The following RASEF variants were observed in gnomAD, a reference collection of about 807,000 sequenced individuals.
RASEF encodes ras and EF-hand domain-containing protein.
Under a neutral mutation model 90.1 loss-of-function variants are expected in RASEF, and 68 were observed. That is an observed-to-expected ratio of 0.75 (90% CI 0.62 to 0.92). The LOEUF (loss-of-function observed/expected upper bound fraction) is 0.92. Ranked by LOEUF, RASEF falls within the 40% of genes least tolerant of loss-of-function variation. RASEF has a pLI of 0.00. For missense variants in RASEF, 949 were observed against 937.2 expected (o/e 1.01, Z -0.16); for synonymous variants, 331 against 345.2 (o/e 0.96, Z 0.46).
rs887197859 is a variant in RASEF, at chr9:82,998,433, T to A, written c.1737A>T (p.Gln579His). 19 of 1,608,318 alleles carry A rather than the reference T, an allele frequency of 1.2e-5. No individual in the cohort carries two copies. Among genetic ancestry groups the A allele is most frequent in the Non-Finnish European group, 1.6e-5 (19 of 1,174,778 alleles). The change falls in exon 13 of 17, where the codon CAA (glutamine) becomes CAT (histidine). Residue 579 changes from glutamine (Q) to histidine (H), a missense_variant. This residue lies in a region of RASEF where 288 missense variants were observed against 328.4 expected (regional missense o/e 0.88). Transcript: ENST00000376447. Reference sequence around the variant, plus strand: ...CTCCATCCACAATGAGGGTTTTCATTTGGAAATCAACTCCTGAAAAGGAAT... The same window carrying A: ...CTCCATCCACAATGAGGGTTTTCATATGGAAATCAACTCCTGAAAAGGAAT... ...NISATLGVDF[Q>H]MKTLIVDGER...
intron 14 of RASEF, among the ~76,000 whole-genome samples, chr9:82,995,062 T>C (rs1384845429): frequency 6.6e-6 from 1 of 152,200 alleles, no homozygotes; most frequent in Non-Finnish European, 1.5e-5. Context: ...GTATGTAATT[T>C]TTCATCCATA....
chr9:83,187,896 C>T, the RASEF span, among the ~76,000 whole-genome samples: 1 of 152,190 alleles, frequency 6.6e-6, no homozygotes. Flanking sequence ...CTCTACAATC[C>T]ACCAGCCGTG....
At chr9:83,012,078 A>G (rs565561478) in intron 5 of RASEF, among the ~76,000 whole-genome samples, 2 of 152,018 alleles carry the variant, frequency 1.3e-5, no homozygotes, top group South Asian at 4.2e-4. Context: ...GAAAAGCGAC[A>G]GAAAAAAAAA....
At chr9:83,072,744 C>T in the RASEF span, among the ~76,000 whole-genome samples, 1 of 152,294 alleles carries the variant, frequency 6.6e-6, no homozygotes, top group East Asian at 1.9e-4. Flanking sequence ...GCTTTTATCC[C>T]AGCCACACTG....
At chr9:83,200,720 T>G in the RASEF span, among the ~76,000 whole-genome samples, 118,866 of 151,898 alleles carry the variant, frequency 0.78, 47,329 homozygotes, top group East Asian at 0.96. Flanking sequence ...TATCCCCAGG[T>G]TCTAAAGCAA....
At position 83,062,565 on chromosome 9, in the gene RASEF, G is replaced by A. The variant is rs768191358; in HGVS notation, c.303C>T (p.Asp101=). 9 of 1,595,104 alleles carry A rather than the reference G, an allele frequency of 5.6e-6. No individual in the cohort carries two copies. In the Admixed American group the frequency reaches 1.4e-4, roughly 24 times the overall value. The change falls in exon 1 of 17, where the codon GAC becomes GAT. Residue 101 remains aspartate (D), a synonymous_variant. Transcript: ENST00000376447. ...AVSEAGPETH[D]SEEDEGDEDA... ...CCTCGTCGCCTTCGTCCTCCTCGCT[G>A]TCGTGTGTCTCCGGCCCCGCCTCAG...
rs1302537813 is a variant in RASEF, at chr9:83,022,407, T to C, written c.598A>G (p.Met200Val). Residue 200 changes from methionine (M) to valine (V), a missense_variant, in exon 3 of 17, where the codon ATG (methionine) becomes GTG (valine). Physicochemically the swap from Met to Val is conservative, Grantham distance 21. This residue lies in a region of RASEF where 656 missense variants were observed against 592.2 expected (regional missense o/e 1.11). Coordinates refer to ENST00000376447, the MANE Select transcript of RASEF (RefSeq NM_152573.4). The stretch of plus-strand genomic sequence containing the variant: ...TCCTCTTCCAACTCACTCAACTGCA[T>C]AGCTGCCTTGTCCTGGGCTCTGAAA... ...AVKRAQDKAA[M>V]QLSELEEEMD... The C allele has an allele frequency of 6.2e-7, 1 of 1,613,798 alleles. No individual in the cohort carries two copies. The highest frequency in any genetic ancestry group is 1.3e-5 in the African/African-American group (1 of 74,938).
At chr9:83,108,144 G>A in the RASEF span, among the ~76,000 whole-genome samples, 1 of 152,058 alleles carries the variant, frequency 6.6e-6, no homozygotes, top group African/African-American at 2.4e-5. Flanking sequence ...TCTATACCTT[G>A]ATCTGGGTAG....
chr9:83,074,841 C>T, the RASEF span, among the ~76,000 whole-genome samples: 2 of 152,184 alleles, frequency 1.3e-5, no homozygotes, highest in East Asian at 1.9e-4. Context: ...TGCTAAGGAA[C>T]CTTCTTATTT....
rs1830149973 is a variant in RASEF, at chr9:83,005,334, A to T, written c.1113+82T>A. On this transcript the variant is annotated intron_variant, in intron 8 of 16. Transcript: ENST00000376447. The stretch of plus-strand genomic sequence containing the variant: ...AAGGACTTACTTGAGGCTCTCCTTT[A>T]AGAAATTACATTATTTTCATCAACA... 12 of 996,484 alleles carry T rather than the reference A, an allele frequency of 1.2e-5. No homozygotes were observed. The South Asian group carries it at 1.5e-4, about 12-fold the overall frequency. The allele number at this position is 996,484 out of a possible 1,614,324, so 61.7% of individuals were successfully genotyped here. A position where few individuals can be genotyped will look rare whatever the true frequency, so the allele number is the denominator to read the frequency against.
At chr9:83,108,467 T>C in the RASEF span, among the ~76,000 whole-genome samples, 4 of 152,168 alleles carry the variant, frequency 2.6e-5, no homozygotes, top group Admixed American at 1.3e-4. Flanking sequence ...TATCTGGCTC[T>C]TTTCAGAAAA....
chr9:83,022,699 T>C (rs139128199), intron 2 of RASEF, among the ~76,000 whole-genome samples: 1 of 152,220 alleles, frequency 6.6e-6, no homozygotes, highest in South Asian at 2.1e-4. Flanking sequence ...TTTGTCATTG[T>C]GTAAGCATCA....
the RASEF span, among the ~76,000 whole-genome samples, chr9:83,143,943 CAT>C: frequency 6.6e-6 from 1 of 152,086 alleles, no homozygotes. Flanking sequence ...GAAAATGGTA[CAT>C]ACACACCATG....
At chr9:83,186,840 T>C in the RASEF span, among the ~76,000 whole-genome samples, 32 of 152,128 alleles carry the variant, frequency 2.1e-4, no homozygotes, top group African/African-American at 7.5e-4. Flanking sequence ...TATATTATGA[T>C]GTTTTGACAT....
chr9:82,997,409 C>G (rs1828942031), intron 13 of RASEF, among the ~76,000 whole-genome samples: 1 of 152,142 alleles, frequency 6.6e-6, no homozygotes, highest in African/African-American at 2.4e-5. Flanking sequence ...AGGTTGAGAG[C>G]ACAGTTTCCA....
chr9:83,087,634 T>G, the RASEF span, among the ~76,000 whole-genome samples: 1 of 152,130 alleles, frequency 6.6e-6, no homozygotes, highest in African/African-American at 2.4e-5. Flanking sequence ...CTTTCATTCC[T>G]GATTTTATTG....
chr9:83,178,374 A>C, the RASEF span, among the ~76,000 whole-genome samples: 1 of 152,104 alleles, frequency 6.6e-6, no homozygotes, highest in South Asian at 2.1e-4. Context: ...CTCCCTTCCC[A>C]TAGTTTCACT....
upstream of RASEF, among the ~76,000 whole-genome samples, chr9:83,066,317 G>A (rs1830282203): frequency 2.6e-5 from 4 of 152,048 alleles, no homozygotes; most frequent in Admixed American, 2.6e-4. Flanking sequence ...TTCTACAAAC[G>A]TTTACACAAT....
At chr9:83,218,490 T>C in the RASEF span, among the ~76,000 whole-genome samples, 6 of 151,940 alleles carry the variant, frequency 3.9e-5, no homozygotes, top group African/African-American at 1.5e-4. Flanking sequence ...GACTCCATCA[T>C]ACCCACTCCA....
Sources: gnomAD v4.1 joint callset for allele counts (sites outside exome capture counted in the v4.1 genomes callset) on GRCh38, gnomAD v4.1.1 for gene constraint, gnomAD v4.1.1 regional missense constraint, MANE v1.5 for transcripts, NCBI Gene and HGNC (gene_info 2026-07-23, HGNC 2026-07-21) for gene names.